The following DAB1 variants were observed in gnomAD, a reference collection of about 807,000 sequenced individuals.
DAB1 encodes the protein DAB adaptor protein 1.
A neutral mutation model predicts 64.6 loss-of-function variants in DAB1; 15 were observed. The observed-to-expected ratio is 0.23, with a 90% CI of 0.16 to 0.36. DAB1 has a LOEUF of 0.36. Among genes scored for constraint, DAB1 ranks in the 10% least tolerant of loss-of-function variants. The pLI is 1.00. For missense variants in DAB1, 596 were observed against 706.7 expected, an observed-to-expected ratio of 0.84 and a Z score of 1.78; for synonymous variants, 235 against 251.9, an observed-to-expected ratio of 0.93 and a Z score of 0.64.
chr1:57,796,486 C>T (rs894887622), intron 6 of DAB1, among the ~76,000 whole-genome samples: 8 of 151,628 alleles, frequency 5.3e-5, no homozygotes, highest in African/African-American at 1.7e-4. Context: ...GAGATCGTGC[C>T]GCTGCATTCC....
At chr1:57,906,834 C>G (rs1057314462) in intron 5 of DAB1, among the ~76,000 whole-genome samples, 1 of 152,042 alleles carries the variant, frequency 6.6e-6, no homozygotes, top group South Asian at 2.1e-4. Flanking sequence ...TCTCTTGGTG[C>G]TCAATAAATA....
intron 2 of DAB1, among the ~76,000 whole-genome samples, chr1:58,517,021 T>C (rs1024006024): frequency 7.9e-5 from 12 of 151,900 alleles, no homozygotes; most frequent in African/African-American, 2.9e-4. Context: ...GTCAAGGGAG[T>C]CTGATGCATC....
At chr1:58,220,969 C>T (rs1257830078) in intron 4 of DAB1, among the ~76,000 whole-genome samples, 3 of 150,644 alleles carry the variant, frequency 2.0e-5, no homozygotes, top group Admixed American at 6.7e-5. Context: ...TTGGCCAGCC[C>T]AGGTGGAAAG....
intron 2 of DAB1, among the ~76,000 whole-genome samples, chr1:57,265,000 G>A (rs1670480427): frequency 6.6e-6 from 1 of 152,148 alleles, no homozygotes; most frequent in African/African-American, 2.4e-5. Context: ...AATAGTGGAG[G>A]TTTCACCTTG....
chr1:58,400,467 G>C (rs1267591115), intron 3 of DAB1, among the ~76,000 whole-genome samples: 1 of 152,144 alleles, frequency 6.6e-6, no homozygotes, highest in African/African-American at 2.4e-5. Flanking sequence ...TCTTGGGCAG[G>C]ACAGACACCC....
intron 4 of DAB1, among the ~76,000 whole-genome samples, chr1:57,087,095 A>T (rs1047983867): frequency 2.6e-5 from 4 of 152,232 alleles, no homozygotes; most frequent in African/African-American, 9.6e-5. Flanking sequence ...GCACAGAGCT[A>T]TGTAACCTGG....
At chr1:57,319,348 G>C (rs939226483) in intron 1 of DAB1, among the ~76,000 whole-genome samples, 1 of 151,904 alleles carries the variant, frequency 6.6e-6, no homozygotes, top group Admixed American at 6.6e-5. Flanking sequence ...GTCAGCAGCT[G>C]CAAACATGAA....
intron 6 of DAB1, among the ~76,000 whole-genome samples, chr1:57,784,843 G>T (rs1188026949): frequency 6.6e-6 from 1 of 152,186 alleles, no homozygotes; most frequent in Non-Finnish European, 1.5e-5. Flanking sequence ...GATCATTGAT[G>T]AAAGTGGCTA....
At chr1:58,062,237 G>C (rs1201531896) in intron 5 of DAB1, among the ~76,000 whole-genome samples, 1 of 152,210 alleles carries the variant, frequency 6.6e-6, no homozygotes, top group African/African-American at 2.4e-5. Flanking sequence ...TGTTCAGGCA[G>C]GGATAACTTA....
chr1:57,353,954 G>A (rs1201395333), intron 1 of DAB1, among the ~76,000 whole-genome samples: 1 of 152,134 alleles, frequency 6.6e-6, no homozygotes, highest in East Asian at 1.9e-4. Flanking sequence ...TCTAGTAATT[G>A]TTTTTACTGC....
intron 6 of DAB1, among the ~76,000 whole-genome samples, chr1:57,652,255 C>T (rs998462996): frequency 6.6e-6 from 1 of 152,100 alleles, no homozygotes; most frequent in African/African-American, 2.4e-5. Flanking sequence ...TCCACCTGGA[C>T]CCAACAACCA....
chr1:57,956,366 T>C (rs1645394095), intron 5 of DAB1, among the ~76,000 whole-genome samples: 1 of 152,146 alleles, frequency 6.6e-6, no homozygotes, highest in Non-Finnish European at 1.5e-5. Context: ...GGGATTCCTG[T>C]AGAGCAGCCC....
chr1:57,456,440 G>A (rs1330984415), intron 7 of DAB1, among the ~76,000 whole-genome samples: 2 of 152,040 alleles, frequency 1.3e-5, no homozygotes, highest in Non-Finnish European at 2.9e-5. Context: ...CCAGGAATAG[G>A]CTCCATATTA....
intron 5 of DAB1, among the ~76,000 whole-genome samples, chr1:58,045,935 ATTTTTTT>A (rs61118687): frequency 2.0e-4 from 29 of 145,130 alleles, no homozygotes; most frequent in Non-Finnish European, 2.6e-4. Flanking sequence ...AAGATTATCA[ATTTTTTT>A]TTTTTTTTTT....
chr1:58,456,713 C>T (rs931211221), intron 3 of DAB1, among the ~76,000 whole-genome samples: 3 of 152,178 alleles, frequency 2.0e-5, no homozygotes, highest in Non-Finnish European at 4.4e-5. Flanking sequence ...TATGAAGCTC[C>T]AGCTACATAT....
chr1:58,436,035 G>A (rs1162431606), intron 3 of DAB1, among the ~76,000 whole-genome samples: 1 of 152,136 alleles, frequency 6.6e-6, no homozygotes, highest in Non-Finnish European at 1.5e-5. Context: ...TTTAACTGAG[G>A]TCCTCACAGT....
In DAB1 at chr1:58,416,372, A is replaced by G. The variant is rs78913604; in HGVS notation, n.258-72969T>C. Among the ~76,000 whole-genome samples the G allele has an allele frequency of 8.5e-5, 13 of 152,292 alleles. No homozygotes were observed. The East Asian group carries it at 2.5e-3, about 29-fold the overall frequency. On this transcript the variant is annotated intron_variant and non_coding_transcript_variant, in intron 3 of 20. Transcript: ENST00000485760. ...TTTGGAGACTGGGTATAATAATGCT[A>G]ATGATGATGGTGATAGCAAGAGTAT...
At chr1:58,005,315 C>T (rs144283788) in intron 5 of DAB1, among the ~76,000 whole-genome samples, 139 of 152,196 alleles carry the variant, frequency 9.1e-4, no homozygotes, top group Middle Eastern at 3.4e-3. Context: ...GACAGAAATG[C>T]ATGAGTCTGC....
intron 4 of DAB1, among the ~76,000 whole-genome samples, chr1:57,083,617 T>C (rs1419512906): frequency 6.6e-6 from 1 of 152,204 alleles, no homozygotes; most frequent in African/African-American, 2.4e-5. Context: ...CACAATGATG[T>C]CTTGCATGCT....
Sources: gnomAD v4.1 joint callset for allele counts (sites outside exome capture counted in the v4.1 genomes callset) on GRCh38, gnomAD v4.1.1 for gene constraint, MANE v1.5 for transcripts, NCBI Gene and HGNC (gene_info 2026-07-23, HGNC 2026-07-21) for gene names.